Variants in NKAIN3 observed in about 807,000 individuals in gnomAD.
The protein encoded by NKAIN3 is sodium/potassium-transporting ATPase subunit beta-1-interacting protein 3.
Under a neutral mutation model 30.2 loss-of-function variants are expected in NKAIN3, and 25 were observed. The ratio of observed to expected loss-of-function variants is 0.83; its 90% CI spans 0.60 to 1.16. The LOEUF is 1.16. NKAIN3 is among the 50% of genes most tolerant of loss of function. The pLI, the probability that NKAIN3 is intolerant of heterozygous loss-of-function variation, is 0.00. For synonymous variants in NKAIN3, 91 were observed against 89.6 expected, an observed-to-expected ratio of 1.02 and a Z score of -0.09; for missense variants, 225 against 254.1, an observed-to-expected ratio of 0.89 and a Z score of 0.78.
At chr8:62,475,508 A>G (rs1251401623) in intron 1 of NKAIN3, among the ~76,000 whole-genome samples, 1 of 152,156 alleles carries the variant, frequency 6.6e-6, no homozygotes, top group Non-Finnish European at 1.5e-5. Flanking sequence ...ATTAAAGAGT[A>G]TGATTCAGTG....
chr8:62,763,247 AAAAAAAAAAAAAAAC>A, intron 4 of NKAIN3, among the ~76,000 whole-genome samples: 1 of 142,076 alleles, frequency 7.0e-6, no homozygotes, highest in South Asian at 2.1e-4. Context: ...AAAAAAAAAA[AAAAAAAAAAAAAAAC>A]TTATATAGTC....
At chr8:62,811,804 A>G (rs1279890940) in intron 4 of NKAIN3, among the ~76,000 whole-genome samples, 1 of 151,868 alleles carries the variant, frequency 6.6e-6, no homozygotes, top group African/African-American at 2.4e-5. Context: ...GTTTGTAAAT[A>G]TTTTCTCAAA....
chr8:62,881,129 A>G (rs1803842315), intron 4 of NKAIN3, among the ~76,000 whole-genome samples: 2 of 152,304 alleles, frequency 1.3e-5, no homozygotes, highest in East Asian at 1.9e-4. Flanking sequence ...AAAGCCCATC[A>G]TTTTACATTA....
chr8:62,754,311 G>GTGTT (rs2130601843), intron 4 of NKAIN3, among the ~76,000 whole-genome samples: 1 of 151,856 alleles, frequency 6.6e-6, no homozygotes, highest in East Asian at 1.9e-4. Context: ...TTAATTTTCA[G>GTGTT]TGTTAGTTAT....
Position 62,609,737 on chromosome 8 carries a change from A to G in NKAIN3, c.273+19943A>G, listed in dbSNP as rs142316937. The stretch of plus-strand genomic sequence containing the variant: ...GAAGGAGTTGAGAGGCCTTGGTGGC[A>G]GAAGAGAGCACAAATATGGGGGAAT... On this transcript the variant is annotated intron_variant, in intron 3 of 6. Coordinates refer to ENST00000623646, the MANE Select transcript of NKAIN3 (RefSeq NM_001304533.3). Among the ~76,000 whole-genome samples, 237 of 152,302 alleles carry G rather than the reference A, an allele frequency of 1.6e-3. 1 individual carries two copies. Among genetic ancestry groups the G allele is most frequent in the African/African-American group, 4.2e-3 (176 of 41,586 alleles).
chr8:62,715,447 T>G (rs143165839), intron 3 of NKAIN3, among the ~76,000 whole-genome samples: 30 of 152,326 alleles, frequency 2.0e-4, no homozygotes, highest in African/African-American at 7.2e-4. Flanking sequence ...TATATTCAAA[T>G]GTAACTGAGA....
chr8:62,999,511 A>C (rs1180238168), exon 6 of NKAIN3: 4 of 152,208 alleles, frequency 2.6e-5, no homozygotes, highest in Admixed American at 6.5e-5. Context: ...TGACACTTGA[A>C]CATGAGATTT....
intron 4 of NKAIN3, among the ~76,000 whole-genome samples, chr8:62,910,642 G>T (rs1821901845): frequency 6.6e-6 from 1 of 151,998 alleles, no homozygotes; most frequent in Non-Finnish European, 1.5e-5. Context: ...ATAATATATG[G>T]TTCAACTACT....
chr8:62,589,098 T>C (rs1419160403), intron 2 of NKAIN3, among the ~76,000 whole-genome samples: 1 of 151,936 alleles, frequency 6.6e-6, no homozygotes. Flanking sequence ...GTTGGCTGGA[T>C]ATGATTGGAA....
intron 1 of NKAIN3, among the ~76,000 whole-genome samples, chr8:62,424,719 C>T (rs1412061549): frequency 6.6e-6 from 1 of 151,836 alleles, no homozygotes; most frequent in Non-Finnish European, 1.5e-5. Context: ...AATGTAGCCA[C>T]TAGTAAAACA....
intron 1 of NKAIN3, 77 bp from the exon 2 acceptor site, chr8:62,579,462 C>A: frequency 8.6e-7 from 1 of 1,168,834 alleles, no homozygotes; most frequent in Non-Finnish European, 1.2e-6. Flanking sequence ...GCAGACTCCT[C>A]CAGCCATGAG....
chr8:62,701,570 A>G (rs1016085771), intron 3 of NKAIN3, among the ~76,000 whole-genome samples: 3 of 152,172 alleles, frequency 2.0e-5, no homozygotes, highest in Non-Finnish European at 4.4e-5. Context: ...ATTAAAGTAA[A>G]ATCCTATTTT....
At chr8:62,250,026 C>G (rs1486297456) in intron 1 of NKAIN3, among the ~76,000 whole-genome samples, 1 of 152,196 alleles carries the variant, frequency 6.6e-6, no homozygotes, top group Non-Finnish European at 1.5e-5. Flanking sequence ...TTGCGTTATA[C>G]TTCAGACAGA....
rs188690850 is a variant in NKAIN3, at chr8:62,731,901, C to A, written c.274-15031C>A. Among the ~76,000 whole-genome samples, 392 of 152,224 alleles carry A rather than the reference C, an allele frequency of 2.6e-3. 2 individuals are homozygous for A. Among genetic ancestry groups the A allele is most frequent in the African/African-American group, 8.9e-3 (370 of 41,552 alleles). On this transcript the variant is annotated intron_variant, in intron 3 of 6. Transcript: ENST00000623646. ...TGTGTCAGATTCTGCTTCTAGGAAA[C>A]CCTACATAAGACAACTACGAACAAT...
chr8:62,796,782 T>TCACACA (rs1384802783), intron 4 of NKAIN3, among the ~76,000 whole-genome samples: 1 of 30,336 alleles, frequency 3.3e-5, no homozygotes, highest in African/African-American at 9.4e-5. Flanking sequence ...AGTTTTTGTA[T>TCACACA]CACACATACA....
At position 62,331,861 on chromosome 8, in the gene NKAIN3, T is replaced by G. The variant is rs564994383; in HGVS notation, c.54+82734T>G. On this transcript the variant is annotated intron_variant, in intron 1 of 6. Coordinates refer to ENST00000623646, the MANE Select transcript of NKAIN3 (RefSeq NM_001304533.3). ...TTTTAAAAAGATTAAAATTCTGTTT[T>G]TTTCATGTTTAACTCTGTCTTCAGA... 3.9e-5 allele frequency among the ~76,000 whole-genome samples: 6 copies of G among 152,268 alleles called. No individual in the cohort carries two copies. In the East Asian group the frequency reaches 9.7e-4, roughly 25 times the overall value.
intron 1 of NKAIN3, among the ~76,000 whole-genome samples, chr8:62,364,828 C>CAA (rs58784999): frequency 0.12 from 7,697 of 63,344 alleles, 1,348 homozygotes; most frequent in East Asian, 0.42. Context: ...GACTCCACTA[C>CAA]AAAAAAAAAA....
At chr8:62,885,014 T>C (rs989150917) in intron 4 of NKAIN3, among the ~76,000 whole-genome samples, 27 of 152,262 alleles carry the variant, frequency 1.8e-4, no homozygotes, top group South Asian at 1.4e-3. Context: ...TTGTTTCTTT[T>C]CTTCTACTTA....
At chr8:62,961,953 A>G (rs184735581) in intron 6 of NKAIN3, among the ~76,000 whole-genome samples, 3 of 152,324 alleles carry the variant, frequency 2.0e-5, no homozygotes, top group Non-Finnish European at 1.5e-5. Context: ...AGAATTCTCA[A>G]ATACTGGGGC....
Sources: allele counts gnomAD v4.1 joint callset (sites outside exome capture counted in the v4.1 genomes callset), GRCh38; gene constraint gnomAD v4.1.1; transcripts MANE v1.5; gene names NCBI Gene and HGNC (gene_info 2026-07-23, HGNC 2026-07-21).